Variants in PLCB1 observed in about 807,000 individuals in gnomAD.
The protein encoded by PLCB1 is 1-phosphatidylinositol 4,5-bisphosphate phosphodiesterase beta-1.
A neutral mutation model predicts 161.8 loss-of-function variants in PLCB1; 46 were observed. That is an observed-to-expected ratio of 0.28 (90% CI 0.22 to 0.36). The LOEUF is 0.36. Ranked by LOEUF, PLCB1 falls within the 10% of genes least tolerant of loss-of-function variation. The pLI, the probability that PLCB1 is intolerant of heterozygous loss-of-function variation, is 1.00. For synonymous variants in PLCB1, 517 were observed against 503.7 expected (o/e 1.03, Z -0.35); for missense variants, 1,016 against 1,472.5 (o/e 0.69, Z 5.07).
intron 4 of PLCB1, among the ~76,000 whole-genome samples, chr20:8,644,252 G>A (rs367619868): frequency 0.13 from 19,837 of 151,072 alleles, 1,531 homozygotes; most frequent in Non-Finnish European, 0.17. Flanking sequence ...CTGCCTGGCC[G>A]CCCATCGTCT....
At chr20:8,603,693 G>A (rs531269309) in intron 3 of PLCB1, among the ~76,000 whole-genome samples, 1 of 152,292 alleles carries the variant, frequency 6.6e-6, no homozygotes, top group South Asian at 2.1e-4. Flanking sequence ...AATCCTCCAG[G>A]TAATTCTGAT....
chr20:8,245,313 T>C (rs181763386), intron 2 of PLCB1, among the ~76,000 whole-genome samples: 11 of 152,008 alleles, frequency 7.2e-5, no homozygotes, highest in Admixed American at 5.9e-4. Flanking sequence ...TGGGTGTATA[T>C]GTGTACACCC....
rs972616158 is a variant in PLCB1, at chr20:8,717,862, G to A, written c.1513+14G>A. 4.4e-6 allele frequency: 7 copies of A among 1,599,394 alleles called. No homozygotes were observed. Among genetic ancestry groups the A allele is most frequent in the Non-Finnish European group, 6.0e-6 (7 of 1,175,228 alleles). ...CCCCAGGAGCCGGTGAGGGGCTGGT[G>A]GGCTCTCCCCGTCATGTTTTGTGTT... is the stretch of plus-strand genomic sequence containing the variant. On this transcript the variant is annotated intron_variant, in intron 14 of 31. Coordinates refer to ENST00000338037, the MANE Select transcript of PLCB1 (RefSeq NM_015192.4).
intron 31 of PLCB1, among the ~76,000 whole-genome samples, chr20:8,791,654 TC>T (rs1259578972): frequency 4.6e-5 from 7 of 152,128 alleles, no homozygotes; most frequent in African/African-American, 1.7e-4. Context: ...CTTTTTTTTT[TC>T]ATGCGTGTTT....
chr20:8,709,316 T>C (rs928362614), intron 12 of PLCB1, among the ~76,000 whole-genome samples: 1 of 152,242 alleles, frequency 6.6e-6, no homozygotes, highest in Admixed American at 6.5e-5. Flanking sequence ...AAGGTTATTT[T>C]GACTTCACTG....
intron 3 of PLCB1, among the ~76,000 whole-genome samples, chr20:8,561,161 G>T: frequency 6.6e-6 from 1 of 152,044 alleles, no homozygotes; most frequent in Admixed American, 6.6e-5. Context: ...TTAGTGGAGA[G>T]AATTTGTCTC....
At chr20:8,780,184 G>A (rs1212686188) in intron 27 of PLCB1, among the ~76,000 whole-genome samples, 2 of 152,068 alleles carry the variant, frequency 1.3e-5, no homozygotes, top group South Asian at 2.1e-4. Context: ...AGTGACTTTG[G>A]TGAGGCGTGG....
At chr20:8,458,223 T>G (rs981200214) in intron 3 of PLCB1, among the ~76,000 whole-genome samples, 5 of 152,200 alleles carry the variant, frequency 3.3e-5, no homozygotes, top group African/African-American at 7.2e-5. Flanking sequence ...TTGGGGCCAG[T>G]TGCTGTAGAG....
intron 3 of PLCB1, among the ~76,000 whole-genome samples, chr20:8,503,733 G>T (rs1983521317): frequency 6.6e-6 from 1 of 152,040 alleles, no homozygotes; most frequent in Admixed American, 6.6e-5. Flanking sequence ...AGGGTTGGGG[G>T]TCTGAGGGAG....
At chr20:8,317,177 G>T (rs1056764091) in intron 2 of PLCB1, among the ~76,000 whole-genome samples, 1 of 152,162 alleles carries the variant, frequency 6.6e-6, no homozygotes, top group East Asian at 1.9e-4. Context: ...ATGGGGATGA[G>T]AAGTGGATAG....
chr20:8,422,324 A>C (rs1231314326), intron 3 of PLCB1, among the ~76,000 whole-genome samples: 1 of 152,224 alleles, frequency 6.6e-6, no homozygotes. Flanking sequence ...AAATATGATT[A>C]TTGGTTTTTT....
chr20:8,726,939 CA>C (rs1979970964), intron 16 of PLCB1, among the ~76,000 whole-genome samples: 2 of 152,006 alleles, frequency 1.3e-5, no homozygotes, highest in South Asian at 4.1e-4. Flanking sequence ...TGTTAAACCC[CA>C]TATTGGCCCT....
intron 3 of PLCB1, among the ~76,000 whole-genome samples, chr20:8,542,337 T>C (rs1289363186): frequency 6.6e-6 from 1 of 152,172 alleles, no homozygotes; most frequent in Non-Finnish European, 1.5e-5. Flanking sequence ...AGCTGGAAGA[T>C]TGGCAATAGG....
intron 31 of PLCB1, 46 bp from the exon 32 acceptor site, chr20:8,881,576 G>C: frequency 6.9e-7 from 1 of 1,443,560 alleles, no homozygotes; most frequent in Non-Finnish European, 9.7e-7. Flanking sequence ...AGTGGGTATA[G>C]AAACATAAAC....
chr20:8,417,656 A>G (rs139148981), intron 3 of PLCB1, among the ~76,000 whole-genome samples: 137 of 152,312 alleles, frequency 9.0e-4, no homozygotes, highest in African/African-American at 3.2e-3. Context: ...TGCCCATGAA[A>G]TGATATACAA....
At chr20:8,772,310 C>G (rs1365231166) in intron 26 of PLCB1, among the ~76,000 whole-genome samples, 3 of 152,138 alleles carry the variant, frequency 2.0e-5, no homozygotes, top group Admixed American at 2.0e-4. Context: ...ATGTGAAGAA[C>G]AGGTTACTCA....
At chr20:8,815,462 A>G (rs1187735146) in intron 31 of PLCB1, among the ~76,000 whole-genome samples, 3 of 152,250 alleles carry the variant, frequency 2.0e-5, no homozygotes, top group African/African-American at 7.2e-5. Flanking sequence ...GTGGGATGAA[A>G]GAGCCATTGC....
intron 31 of PLCB1, among the ~76,000 whole-genome samples, chr20:8,826,870 C>G (rs1008859624): frequency 6.6e-6 from 1 of 152,130 alleles, no homozygotes; most frequent in Non-Finnish European, 1.5e-5. Flanking sequence ...TTTTATGCGT[C>G]TGTGTTTCAG....
intron 2 of PLCB1, among the ~76,000 whole-genome samples, chr20:8,364,210 A>T (rs1402225256): frequency 6.6e-6 from 1 of 152,198 alleles, no homozygotes; most frequent in Non-Finnish European, 1.5e-5. Flanking sequence ...TGGATTCCTT[A>T]TCTCCCTAGG....
Sources: gnomAD v4.1 joint callset for allele counts (sites outside exome capture counted in the v4.1 genomes callset) on GRCh38, gnomAD v4.1.1 for gene constraint, MANE v1.5 for transcripts, NCBI Gene and HGNC (gene_info 2026-07-23, HGNC 2026-07-21) for gene names.